DOCK9: variants seen among roughly 807,000 people sequenced by gnomAD.
DOCK9 encodes the protein dedicator of cytokinesis protein 9.
Under a neutral mutation model 263.3 loss-of-function variants are expected in DOCK9, and 89 were observed. The ratio of observed to expected loss-of-function variants is 0.34; its 90% CI spans 0.28 to 0.40. The LOEUF is 0.40. Ranked by LOEUF, DOCK9 falls within the 10% of genes least tolerant of loss-of-function variation. DOCK9 has a pLI of 1.00. For synonymous variants in DOCK9, 976 were observed against 973.1 expected, an observed-to-expected ratio of 1.00 and a Z score of -0.06; for missense variants, 2,140 against 2,603.4, an observed-to-expected ratio of 0.82 and a Z score of 3.87.
chr13:98,804,102 A>T (rs1270086714), intron 49 of DOCK9, among the ~76,000 whole-genome samples: 2 of 152,208 alleles, frequency 1.3e-5, no homozygotes, highest in Non-Finnish European at 2.9e-5. Context: ...ATTATTACCC[A>T]GACAGAAACT....
intron 9 of DOCK9, among the ~76,000 whole-genome samples, chr13:98,913,399 A>G (rs1432517782): frequency 6.6e-6 from 1 of 152,226 alleles, no homozygotes; most frequent in Non-Finnish European, 1.5e-5. Flanking sequence ...GTACAAGGAC[A>G]GTCATTGTAG....
At chr13:98,918,405 A>G (rs921484251) in intron 7 of DOCK9, among the ~76,000 whole-genome samples, 4 of 152,244 alleles carry the variant, frequency 2.6e-5, no homozygotes, top group African/African-American at 9.6e-5. Context: ...CGAGTCACAC[A>G]TGCATTAGGC....
At chr13:98,965,941 TAC>T (rs2059146231) in intron 1 of DOCK9, among the ~76,000 whole-genome samples, 1 of 152,188 alleles carries the variant, frequency 6.6e-6, no homozygotes, top group Non-Finnish European at 1.5e-5. Flanking sequence ...ACAGCAGTTA[TAC>T]AGATTTGACA....
rs145748290 is a variant in DOCK9, at chr13:98,871,297, C to T, written c.2944-2920G>A. On this transcript the variant is annotated intron_variant, in intron 27 of 52. Coordinates refer to ENST00000682017, the MANE Select transcript of DOCK9 (RefSeq NM_001366683.2). ...TTGACAAGTGGGGAGGCTAATCCCT[C>T]TACTTCTGCACTTATTAGAAAATAT... Among the ~76,000 whole-genome samples, 320 of 152,286 alleles carry T rather than the reference C, an allele frequency of 2.1e-3. 2 individuals are homozygous for T. Among genetic ancestry groups the T allele is most frequent in the Non-Finnish European group, 3.5e-3 (236 of 68,022 alleles).
intron 1 of DOCK9, among the ~76,000 whole-genome samples, chr13:99,056,397 A>G (rs1045760760): frequency 6.6e-5 from 10 of 152,236 alleles, no homozygotes; most frequent in African/African-American, 1.9e-4. Context: ...GTAAGGTTAC[A>G]TACTAAATAT....
chr13:98,903,167 A>T (rs2048549667), intron 10 of DOCK9, 55 bp from the exon 11 acceptor site: 1 of 1,319,138 alleles, frequency 7.6e-7, no homozygotes. Flanking sequence ...TTAAAAAAAC[A>T]TCATAAATGC....
chr13:98,867,608 C>T (rs1481887767), intron 29 of DOCK9, 72 bp from the exon 30 acceptor site: 1 of 969,370 alleles, frequency 1.0e-6, no homozygotes, highest in Admixed American at 2.0e-5. Context: ...AACCTATTAG[C>T]AATAGTATGC....
At chr13:98,884,263 T>G (rs1208885255) in intron 21 of DOCK9, among the ~76,000 whole-genome samples, 1 of 152,266 alleles carries the variant, frequency 6.6e-6, no homozygotes, top group Non-Finnish European at 1.5e-5. Context: ...CAGCATAATA[T>G]GCAGGCCTGG....
At chr13:99,020,039 T>C (rs894289369) in intron 1 of DOCK9, among the ~76,000 whole-genome samples, 2 of 152,022 alleles carry the variant, frequency 1.3e-5, no homozygotes, top group African/African-American at 4.8e-5. Flanking sequence ...GAGGTGGAGG[T>C]TGCAGTGAGC....
intron 1 of DOCK9, among the ~76,000 whole-genome samples, chr13:99,076,184 T>C (rs547826729): frequency 1.6e-4 from 25 of 152,362 alleles, no homozygotes; most frequent in African/African-American, 5.5e-4. Context: ...AGATATAATG[T>C]CACCATCCAC....
intron 1 of DOCK9, among the ~76,000 whole-genome samples, chr13:99,032,385 C>A (rs931810596): frequency 1.4e-4 from 21 of 151,062 alleles, no homozygotes; most frequent in African/African-American, 4.6e-4. Flanking sequence ...CAGAGGCAGG[C>A]GAATTGCTTG....
intron 1 of DOCK9, among the ~76,000 whole-genome samples, chr13:99,022,469 A>G (rs1886231158): frequency 1.3e-5 from 2 of 152,208 alleles, no homozygotes; most frequent in Admixed American, 1.3e-4. Context: ...TCCTGTGGGC[A>G]GCTCTAACAA....
At chr13:99,046,987 G>T (rs927706) in intron 1 of DOCK9, among the ~76,000 whole-genome samples, 2 of 152,034 alleles carry the variant, frequency 1.3e-5, no homozygotes, top group African/African-American at 4.8e-5. Context: ...GACGAGTCCA[G>T]GTTTAATCTC....
At chr13:98,925,255 C>T (rs554885316) in intron 4 of DOCK9, among the ~76,000 whole-genome samples, 1 of 152,092 alleles carries the variant, frequency 6.6e-6, no homozygotes. Flanking sequence ...CACAATGGAA[C>T]CTTTTATAAA....
intron 1 of DOCK9, among the ~76,000 whole-genome samples, chr13:99,067,666 C>T (rs1025344453): frequency 6.6e-6 from 1 of 152,116 alleles, no homozygotes; most frequent in African/African-American, 2.4e-5. Context: ...CAGGTGCCAC[C>T]CATAGGCACC....
chr13:99,015,939 G>A, intron 1 of DOCK9: 1 of 282,482 alleles, frequency 3.5e-6, no homozygotes, highest in Admixed American at 6.2e-5. Flanking sequence ...ATTTACATGT[G>A]GCTCTACTGG....
chr13:99,086,102 C>G, intron 1 of DOCK9: 1 of 1,314,284 alleles, frequency 7.6e-7, no homozygotes, highest in Non-Finnish European at 9.7e-7. Context: ...CTTGATTCCG[C>G]GGACCCAGCA....
At chr13:98,813,413 A>C (rs28707354) in intron 45 of DOCK9, among the ~76,000 whole-genome samples, 3 of 152,056 alleles carry the variant, frequency 2.0e-5, no homozygotes, top group African/African-American at 7.2e-5. Context: ...CATTTTTTTA[A>C]AAAAATTATG....
Position 99,041,412 on chromosome 13 carries a change from G to A in DOCK9, c.129+44811C>T, listed in dbSNP as rs1304931163. Among the ~76,000 whole-genome samples, 4 of 152,082 alleles carry A rather than the reference G, an allele frequency of 2.6e-5. No homozygotes were observed. The East Asian group carries it at 7.7e-4, about 29-fold the overall frequency. ...GGCAGAGAATTGCTTGAGCCCTGGA[G>A]GTCGAGGCTGCAGTGAGCTATGATC... is the stretch of plus-strand genomic sequence containing the variant. On this transcript the variant is annotated intron_variant, in intron 1 of 32. Coordinates refer to the DOCK9 transcript ENST00000427887.
Sources: allele counts gnomAD v4.1 joint callset (sites outside exome capture counted in the v4.1 genomes callset), GRCh38; gene constraint gnomAD v4.1.1; transcripts MANE v1.5; gene names NCBI Gene and HGNC (gene_info 2026-07-23, HGNC 2026-07-21).